The following METTL16 variants were observed in gnomAD, a reference collection of about 807,000 sequenced individuals.
METTL16 encodes the protein RNA N(6)-adenosine-methyltransferase METTL16.
A neutral mutation model predicts 57.9 loss-of-function variants in METTL16; 19 were observed. That is an observed-to-expected ratio of 0.33 (90% CI 0.23 to 0.48). METTL16 has a LOEUF of 0.48. Ranked by LOEUF, METTL16 falls within the 20% of genes least tolerant of loss-of-function variation. The pLI is 0.99. For missense variants in METTL16, 434 were observed against 691.5 expected, an observed-to-expected ratio of 0.63 and a Z score of 4.18; for synonymous variants, 246 against 255.6, an observed-to-expected ratio of 0.96 and a Z score of 0.36.
intron 8 of METTL16, among the ~76,000 whole-genome samples, chr17:2,431,769 T>C (rs2066875365): frequency 6.6e-6 from 1 of 152,130 alleles, no homozygotes; most frequent in South Asian, 2.1e-4. Flanking sequence ...GAGTCTGCAA[T>C]CTGCATTTTG....
chr17:2,464,499 A>G, intron 5 of METTL16, 149 bp from the exon 6 acceptor site: 1 of 672,726 alleles, frequency 1.5e-6, no homozygotes, highest in Non-Finnish European at 2.3e-6. Flanking sequence ...CATAGCCACT[A>G]AAATATTTTA....
chr17:2,417,073 TTTTTTTTTTTTTG>T lies in METTL16; in HGVS notation c.*2884_*2896del. On this transcript the variant is annotated 3_prime_UTR_variant, in exon 10 of 10. Coordinates refer to ENST00000263092, the MANE Select transcript of METTL16 (RefSeq NM_024086.4). ...TCATGGGTTCCTTTTTTTTTTTTTT[TTTTTTTTTTTTTG>T]AGACAGTCCCACTTTGTCGCCCAGG... 1 of 128,294 alleles carries T rather than the reference TTTTTTTTTTTTTG, an allele frequency of 7.8e-6. No homozygotes were observed. The highest frequency in any genetic ancestry group is 3.1e-5 in the African/African-American group (1 of 32,756). The allele number at this position is 128,294 out of a possible 1,614,324, so 7.9% of individuals were successfully genotyped here. A position where few individuals can be genotyped will look rare whatever the true frequency, so the allele number is the denominator to read the frequency against.
chr17:2,473,309 A>G (rs1213875681), intron 4 of METTL16, among the ~76,000 whole-genome samples: 1 of 152,238 alleles, frequency 6.6e-6, no homozygotes, highest in East Asian at 1.9e-4. Flanking sequence ...AAATAGGCAA[A>G]TTCACAAAAA....
intron 6 of METTL16, among the ~76,000 whole-genome samples, chr17:2,461,950 G>A (rs1456758619): frequency 1.3e-5 from 2 of 151,962 alleles, no homozygotes; most frequent in African/African-American, 4.8e-5. Flanking sequence ...GGACAATACC[G>A]TATAGGAAAA....
intron 4 of METTL16, among the ~76,000 whole-genome samples, chr17:2,468,915 TTGTGTGTG>T (rs35816158): frequency 3.4e-4 from 50 of 146,324 alleles, no homozygotes; most frequent in Non-Finnish European, 6.8e-4. Context: ...TTTTTTGTTG[TTGTGTGTG>T]TGTGTTTTTT....
rs2067493536 is a variant in METTL16 at position 2,502,151 on chromosome 17, C to T, written c.128+53G>A. Reference sequence around the variant, plus strand: ...CACTCAGGTGGGCTTTCTATTACATCATATCCATTTGAATCACACAAGAAT... The same window carrying T: ...CACTCAGGTGGGCTTTCTATTACATTATATCCATTTGAATCACACAAGAAT... On this transcript the variant is annotated intron_variant, in intron 2 of 9. Coordinates refer to ENST00000263092, the MANE Select transcript of METTL16 (RefSeq NM_024086.4). 3 of 1,583,964 alleles carry T rather than the reference C, an allele frequency of 1.9e-6. No individual in the cohort carries two copies. In the South Asian group the frequency reaches 3.4e-5, roughly 18 times the overall value.
In METTL16 at chr17:2,502,233, A is replaced by G. The variant is rs1319251348; in HGVS notation, c.99T>C (p.His33=). Residue 33 remains histidine, a synonymous_variant, in exon 2 of 10, where the codon CAT becomes CAC. Coordinates refer to ENST00000263092, the MANE Select transcript of METTL16 (RefSeq NM_024086.4). ...CTCTTCCATTCAGATTTATCTGAAC[A>G]TGCTGCTTAAAATCTGGATATTTGG... ...LASKYPDFKQ[H]VQINLNGRVS... The G allele has an allele frequency of 6.2e-7, 1 of 1,613,982 alleles. No homozygotes were observed. The highest frequency in any genetic ancestry group is 8.5e-7 in the Non-Finnish European group (1 of 1,179,948).
At chr17:2,451,862 C>G in intron 6 of METTL16, among the ~76,000 whole-genome samples, 1 of 151,972 alleles carries the variant, frequency 6.6e-6, no homozygotes, top group East Asian at 1.9e-4. Context: ...AAAAAAGATA[C>G]TGGCTTGGCG....
Position 2,502,307 on chromosome 17 carries a change from C to G in METTL16, c.25G>C (p.Ala9Pro). Reference sequence around the variant, plus strand: ...GGTTTGTCCTTGTATCTATTTCTTGCATGCATTGATTTACTCAGAGCCATC... The same window carrying G: ...GGTTTGTCCTTGTATCTATTTCTTGGATGCATTGATTTACTCAGAGCCATC... MALSKSMH[A>P]RNRYKDKPPD... Residue 9 changes from alanine to proline, a missense_variant, in exon 2 of 10, where the codon GCA (alanine) becomes CCA (proline). By Grantham distance (27) the Ala-to-Pro change is conservative. Coordinates refer to ENST00000263092, the MANE Select transcript of METTL16 (RefSeq NM_024086.4). 6.2e-7 allele frequency: 1 copy of G among 1,613,588 alleles called. No individual in the cohort carries two copies. Among genetic ancestry groups the G allele is most frequent in the Non-Finnish European group, 8.5e-7 (1 of 1,179,832 alleles).
At chr17:2,425,662 A>T (rs890736561) in intron 8 of METTL16, among the ~76,000 whole-genome samples, 4 of 152,140 alleles carry the variant, frequency 2.6e-5, no homozygotes, top group African/African-American at 9.7e-5. Flanking sequence ...TATGCTACGT[A>T]GCAGGGTGGT....
intron 7 of METTL16, among the ~76,000 whole-genome samples, chr17:2,439,522 G>A (rs529466027): frequency 9.2e-5 from 14 of 152,224 alleles, no homozygotes; most frequent in South Asian, 4.2e-4. Context: ...TGCTGGTGCT[G>A]TTCCCCCAGA....
chr17:2,480,616 C>T (rs1179052998), intron 2 of METTL16, among the ~76,000 whole-genome samples: 1 of 152,042 alleles, frequency 6.6e-6, no homozygotes, highest in Non-Finnish European at 1.5e-5. Context: ...CAAGATAAAC[C>T]CGAAGCATTT....
At chr17:2,468,272 G>A (rs1043809659) in intron 4 of METTL16, among the ~76,000 whole-genome samples, 10 of 152,134 alleles carry the variant, frequency 6.6e-5, no homozygotes, top group Admixed American at 5.2e-4. Flanking sequence ...CAAACTCTTC[G>A]ACAGTACTCC....
intron 1 of METTL16, among the ~76,000 whole-genome samples, chr17:2,508,296 A>T (rs569051764): frequency 6.6e-6 from 1 of 152,196 alleles, no homozygotes; most frequent in Non-Finnish European, 1.5e-5. Flanking sequence ...TTCAGAAAAG[A>T]ACTGTTGTCT....
intron 6 of METTL16, among the ~76,000 whole-genome samples, chr17:2,452,558 T>C (rs1392975799): frequency 1.3e-5 from 2 of 152,190 alleles, no homozygotes; most frequent in Non-Finnish European, 2.9e-5. Flanking sequence ...CATTAAACTA[T>C]TTTAATGATG....
At position 2,420,983 on chromosome 17, in the gene METTL16, G is replaced by A. The variant is rs1219162529; in HGVS notation, c.889-79C>T. On this transcript the variant is annotated intron_variant, in intron 8 of 9. Coordinates refer to ENST00000263092, the MANE Select transcript of METTL16 (RefSeq NM_024086.4). The surrounding 1 kb of genome is among the most constrained non-coding windows in gnomAD (Gnocchi z 5.4). ...CCTCATGCATTGTAATGAACTCAGA[G>A]AAAATTTCCACAACTTCTGCTACCA... The A allele has an allele frequency of 6.7e-7, 1 of 1,491,040 alleles. No homozygotes were observed. The highest frequency in any genetic ancestry group is 1.4e-5 in the African/African-American group (1 of 71,222). 92.4% of individuals were successfully genotyped at this position (1,491,040 alleles called of 1,614,324 possible).
At chr17:2,465,546 CAAAA>C (rs547864019) in intron 5 of METTL16, among the ~76,000 whole-genome samples, 1 of 24,496 alleles carries the variant, frequency 4.1e-5, no homozygotes, top group Non-Finnish European at 8.0e-5. Flanking sequence ...GACTCCATCT[CAAAA>C]AAAAAAAAAA....
In METTL16 at chr17:2,502,194, CG is replaced by C. The variant is rs1482848437; in HGVS notation, c.128+9del. 11 of 1,610,784 alleles carry C rather than the reference CG, an allele frequency of 6.8e-6. No homozygotes were observed. The Admixed American group carries it at 1.8e-4, about 27-fold the overall frequency. ...ACAAGAATAACAGTGATTTTTCATC[CG>C]TTACCTACCTCACTCTTCCATTCAG... On this transcript the variant is annotated intron_variant, in intron 2 of 9. Coordinates refer to ENST00000263092, the MANE Select transcript of METTL16 (RefSeq NM_024086.4).
intron 6 of METTL16, among the ~76,000 whole-genome samples, chr17:2,456,697 G>A (rs1193483614): frequency 1.3e-5 from 2 of 152,054 alleles, no homozygotes; most frequent in Admixed American, 1.3e-4. Flanking sequence ...TTGAACTCCT[G>A]GCCTGAAGCC....
Sources: allele counts gnomAD v4.1 joint callset (sites outside exome capture counted in the v4.1 genomes callset), GRCh38; gene constraint gnomAD v4.1.1; non-coding constraint Gnocchi (gnomAD v3.1); transcripts MANE v1.5; gene names NCBI Gene and HGNC (gene_info 2026-07-23, HGNC 2026-07-21).